The following LDB2 variants were observed in gnomAD, a reference collection of about 807,000 sequenced individuals.
The protein encoded by LDB2 is LIM domain-binding protein 2.
Under a neutral mutation model 44.3 loss-of-function variants are expected in LDB2, and 12 were observed. The observed-to-expected ratio is 0.27, with a 90% CI of 0.17 to 0.44. LDB2 has a LOEUF of 0.44. Ranked by LOEUF, LDB2 falls within the 20% of genes least tolerant of loss-of-function variation. The probability of loss-of-function intolerance (pLI) is 1.00; values close to 1 mark genes in which losing one functional copy is unlikely to be tolerated. For missense variants in LDB2, 344 were observed against 473.5 expected (o/e 0.73, Z 2.54); for synonymous variants, 164 against 174.8 (o/e 0.94, Z 0.49).
At chr4:16,562,332 C>G (rs901413606) in intron 5 of LDB2, among the ~76,000 whole-genome samples, 3 of 152,050 alleles carry the variant, frequency 2.0e-5, no homozygotes, top group African/African-American at 7.2e-5. Flanking sequence ...TGACAAAGGG[C>G]TAATATCCAG....
At chr4:16,587,191 T>G (rs11940817) in intron 4 of LDB2, among the ~76,000 whole-genome samples, 11,860 of 152,256 alleles carry the variant, frequency 0.078, 525 homozygotes, top group Non-Finnish European at 0.088. Flanking sequence ...AAAAATGTTG[T>G]TCCTGCTGCT....
intron 1 of LDB2, among the ~76,000 whole-genome samples, chr4:16,810,964 G>T (rs549086568): frequency 6.6e-6 from 1 of 152,206 alleles, no homozygotes; most frequent in African/African-American, 2.4e-5. Context: ...CTGGTGGGGG[G>T]TGGTGGGTGG....
At chr4:16,506,080 G>A in intron 7 of LDB2, 1 of 1,331,192 alleles carries the variant, frequency 7.5e-7, no homozygotes, top group East Asian at 2.5e-5. Flanking sequence ...CACAGCTGTG[G>A]TCATAGTGGC....
intron 1 of LDB2, among the ~76,000 whole-genome samples, chr4:16,820,719 T>C (rs1208373804): frequency 6.6e-6 from 1 of 152,186 alleles, no homozygotes; most frequent in East Asian, 1.9e-4. Flanking sequence ...TTCATGCTTT[T>C]AACTCTAATC....
chr4:16,743,859 G>A (rs1193033625), intron 2 of LDB2, among the ~76,000 whole-genome samples: 7 of 152,210 alleles, frequency 4.6e-5, no homozygotes, highest in Admixed American at 4.6e-4. Context: ...TAAACTGTGA[G>A]ATAATACATG....
intron 1 of LDB2, among the ~76,000 whole-genome samples, chr4:16,843,271 T>C (rs1227265202): frequency 6.6e-6 from 1 of 152,252 alleles, no homozygotes; most frequent in Admixed American, 6.5e-5. Flanking sequence ...TACATGTCTT[T>C]GGAAAGTTAG....
At position 16,576,323 on chromosome 4, in the gene LDB2, A is replaced by G. The variant is rs60780902; in HGVS notation, c.615+9599T>C. Among the ~76,000 whole-genome samples the G allele has an allele frequency of 0.012, 1,890 of 152,236 alleles. 156 individuals are homozygous for G. The East Asian group carries it at 0.23, about 19-fold the overall frequency. The stretch of plus-strand genomic sequence containing the variant: ...TTGGTTTTTTTGAAAAGTTAAACAA[A>G]TTAGAAAAACCTTGAGCCAGATTTT... On this transcript the variant is annotated intron_variant, in intron 5 of 7. Transcript: ENST00000304523.
intron 5 of LDB2, among the ~76,000 whole-genome samples, chr4:16,558,667 C>A (rs1936461397): frequency 6.6e-6 from 1 of 152,174 alleles, no homozygotes; most frequent in Admixed American, 6.5e-5. Context: ...CTTCCCCAAT[C>A]TAGCAAGGCA....
intron 5 of LDB2, among the ~76,000 whole-genome samples, chr4:16,537,185 C>T (rs1732155390): frequency 6.6e-6 from 1 of 152,164 alleles, no homozygotes; most frequent in Admixed American, 6.5e-5. Context: ...AACACCAAGA[C>T]TTCTAAAACC....
intron 7 of LDB2, 49 bp from the exon 8 acceptor site, chr4:16,502,922 G>T: frequency 1.2e-6 from 2 of 1,607,806 alleles, no homozygotes; most frequent in Non-Finnish European, 1.7e-6. Flanking sequence ...GGAGAGAGAA[G>T]CTCAGCTTAA....
Position 16,541,289 on chromosome 4 carries a change from T to TTGTAAAG in LDB2, c.616-29192_616-29186dup, listed in dbSNP as rs112909253. ...AGTGAGTTTTTATGAGATCTGGTTG[T>TTGTAAAG]TGTAAAGTGTAAAGTGTGGCACCCT... is the stretch of plus-strand genomic sequence containing the variant. On this transcript the variant is annotated intron_variant, in intron 5 of 7. Transcript: ENST00000304523. Among the ~76,000 whole-genome samples, 468 of 152,174 alleles carry TTGTAAAG rather than the reference T, an allele frequency of 3.1e-3. 7 individuals are homozygous for TTGTAAAG. The highest frequency in any genetic ancestry group is 0.01 in the African/African-American group (434 of 41,520).
intron 5 of LDB2, among the ~76,000 whole-genome samples, chr4:16,524,699 A>G (rs1418869514): frequency 6.6e-6 from 1 of 152,184 alleles, no homozygotes; most frequent in Non-Finnish European, 1.5e-5. Context: ...GGTTTACATT[A>G]AACTGAAATG....
At chr4:16,740,739 C>T (rs1287237783) in intron 2 of LDB2, among the ~76,000 whole-genome samples, 1 of 152,190 alleles carries the variant, frequency 6.6e-6, no homozygotes, top group African/African-American at 2.4e-5. Context: ...GACAATTATT[C>T]TGTCTGCCTT....
intron 2 of LDB2, among the ~76,000 whole-genome samples, chr4:16,630,020 T>C (rs1253335931): frequency 2.0e-5 from 3 of 152,158 alleles, no homozygotes; most frequent in African/African-American, 4.8e-5. Context: ...CTCTGCAGGA[T>C]ATTATCCAGG....
At chr4:16,582,000 GGGAAGGAAGGAA>G (rs35585551) in intron 5 of LDB2, among the ~76,000 whole-genome samples, 3,567 of 103,830 alleles carry the variant, frequency 0.034, 59 homozygotes, top group South Asian at 0.071. Context: ...AGGGAAGGAA[GGGAAGGAAGGAA>G]GGAAGGAAGG....
rs1401993405 is a variant in LDB2 at position 16,884,445 on chromosome 4, TACACACACAATCATATACACACTAAC to T, written c.132+13883_132+13908del. 1.1e-4 allele frequency among the ~76,000 whole-genome samples: 17 copies of T among 152,290 alleles called. No individual in the cohort carries two copies. In the East Asian group the frequency reaches 2.3e-3, roughly 21 times the overall value. ...TCGGCCCCTACTTCTTCTCCAGGCC[TACACACACAATCATATACACACTAAC>T]ACATACACCCCAGACCTTAAGCCTC... On this transcript the variant is annotated intron_variant, in intron 1 of 7. Coordinates refer to ENST00000304523, the MANE Select transcript of LDB2 (RefSeq NM_001290.5).
chr4:16,711,890 C>T (rs1664737141), intron 2 of LDB2, among the ~76,000 whole-genome samples: 3 of 152,026 alleles, frequency 2.0e-5, no homozygotes, highest in Admixed American at 2.0e-4. Context: ...TGTCCACATG[C>T]AAAAGAACAA....
rs181528305 is a variant in LDB2, at chr4:16,790,564, A to G, written c.133-31304T>C. 1.8e-4 allele frequency among the ~76,000 whole-genome samples: 28 copies of G among 152,328 alleles called. No individual in the cohort carries two copies. In the East Asian group the frequency reaches 4.8e-3, roughly 26 times the overall value. On this transcript the variant is annotated intron_variant, in intron 1 of 7. Transcript: ENST00000304523. ...ACCTAGGTTTGTGTACGTACACTCC[A>G]TGACGTTTGCATAACAACAAGATCA...
chr4:16,535,450 G>A (rs904249961), intron 5 of LDB2, among the ~76,000 whole-genome samples: 10 of 152,176 alleles, frequency 6.6e-5, no homozygotes, highest in African/African-American at 2.2e-4. Context: ...TGTTTTGAGT[G>A]TCCACATTCT....
Sources: allele counts gnomAD v4.1 joint callset (sites outside exome capture counted in the v4.1 genomes callset), GRCh38; gene constraint gnomAD v4.1.1; transcripts MANE v1.5; gene names NCBI Gene and HGNC (gene_info 2026-07-23, HGNC 2026-07-21).